The following PPP3CC variants were observed in gnomAD, a reference collection of about 807,000 sequenced individuals.
PPP3CC encodes the protein serine/threonine-protein phosphatase 2B catalytic subunit gamma isoform.
Under a neutral mutation model 60.3 loss-of-function variants are expected in PPP3CC, and 35 were observed. The observed-to-expected ratio is 0.58, with a 90% CI of 0.44 to 0.77. The LOEUF is 0.77. Ranked by LOEUF, PPP3CC falls within the 30% of genes least tolerant of loss-of-function variation. The pLI is 0.00. For synonymous variants in PPP3CC, 206 were observed against 224.3 expected (o/e 0.92, Z 0.73); for missense variants, 570 against 628.9 (o/e 0.91, Z 1.00).
intron 8 of PPP3CC, 79 bp from the exon 9 acceptor site, chr8:22,527,313 G>A: frequency 6.8e-7 from 1 of 1,469,214 alleles, no homozygotes; most frequent in Non-Finnish European, 9.3e-7. Context: ...CTGTGTAGCA[G>A]GTACACAGCT....
intron 1 of PPP3CC, among the ~76,000 whole-genome samples, chr8:22,474,049 T>G (rs574990054): frequency 6.6e-6 from 1 of 151,936 alleles, no homozygotes; most frequent in African/African-American, 2.4e-5. Flanking sequence ...CACTTGTCAC[T>G]ACACCTGGCT....
intron 3 of PPP3CC, among the ~76,000 whole-genome samples, chr8:22,482,908 T>A (rs1235713201): frequency 1.3e-5 from 2 of 151,982 alleles, no homozygotes; most frequent in Non-Finnish European, 2.9e-5. Context: ...AACAGTCGAG[T>A]TAGAATAGGA....
intron 10 of PPP3CC, among the ~76,000 whole-genome samples, chr8:22,530,126 A>T (rs184610066): frequency 2.0e-5 from 3 of 152,332 alleles, no homozygotes; most frequent in Admixed American, 2.0e-4. Flanking sequence ...CAGGTTCCGC[A>T]CTGAAGATCA....
chr8:22,476,414 T>G (rs537801464), intron 3 of PPP3CC, among the ~76,000 whole-genome samples: 2 of 152,216 alleles, frequency 1.3e-5, no homozygotes, highest in Non-Finnish European at 2.9e-5. Context: ...TCTTGCTGTC[T>G]ATAGTCCTGC....
intron 1 of PPP3CC, among the ~76,000 whole-genome samples, chr8:22,454,817 C>T (rs1030994250): frequency 1.3e-5 from 2 of 151,864 alleles, no homozygotes; most frequent in East Asian, 3.9e-4. Flanking sequence ...GCCTGTAATC[C>T]CAGCACTTTG....
chr8:22,446,136 A>G (rs1330659171), intron 1 of PPP3CC, among the ~76,000 whole-genome samples: 1 of 152,152 alleles, frequency 6.6e-6, no homozygotes. Flanking sequence ...TGGAGTGTAT[A>G]TGGGAAAATG....
At chr8:22,528,901 A>G (rs536994446) in intron 10 of PPP3CC, among the ~76,000 whole-genome samples, 3 of 152,216 alleles carry the variant, frequency 2.0e-5, no homozygotes, top group East Asian at 3.9e-4. Flanking sequence ...GTAGTTGTCC[A>G]TGTTGATCAG....
chr8:22,526,024 C>T (rs933886761), intron 8 of PPP3CC, among the ~76,000 whole-genome samples: 12 of 151,684 alleles, frequency 7.9e-5, no homozygotes, highest in Non-Finnish European at 2.9e-5. Context: ...CACGTCGCCA[C>T]GCCTGGCTAA....
At chr8:22,530,829 C>CAAAAAAAAAAAAAAAAAAA in intron 10 of PPP3CC, among the ~76,000 whole-genome samples, 1 of 58,048 alleles carries the variant, frequency 1.7e-5, no homozygotes, top group African/African-American at 5.2e-5. Context: ...AGACTCATCT[C>CAAAAAAAAAAAAAAAAAAA]AAAAAAAAAA....
At chr8:22,536,801 G>A (rs1365126795) in intron 12 of PPP3CC, among the ~76,000 whole-genome samples, 1 of 152,148 alleles carries the variant, frequency 6.6e-6, no homozygotes. Flanking sequence ...AACTTAACTT[G>A]GAGAGCTTTC....
chr8:22,495,842 A>G (rs1838562238), intron 3 of PPP3CC, among the ~76,000 whole-genome samples: 1 of 152,120 alleles, frequency 6.6e-6, no homozygotes, highest in African/African-American at 2.4e-5. Context: ...TGCAGGCGTG[A>G]GCCACCATGC....
chr8:22,452,881 A>G (rs920735444), intron 1 of PPP3CC, among the ~76,000 whole-genome samples: 2 of 152,226 alleles, frequency 1.3e-5, no homozygotes, highest in African/African-American at 4.8e-5. Context: ...ATTGCTTTGC[A>G]AATCGCTTTA....
At chr8:22,461,155 C>G (rs1186675314) in intron 1 of PPP3CC, among the ~76,000 whole-genome samples, 1 of 152,128 alleles carries the variant, frequency 6.6e-6, no homozygotes, top group Non-Finnish European at 1.5e-5. Flanking sequence ...AAAATCTTTA[C>G]TTTATTTACA....
At chr8:22,455,428 G>T (rs1016751496) in intron 1 of PPP3CC, among the ~76,000 whole-genome samples, 4 of 152,182 alleles carry the variant, frequency 2.6e-5, no homozygotes, top group African/African-American at 9.7e-5. Flanking sequence ...TAATCTGACT[G>T]TGACTAGTGG....
At chr8:22,452,803 G>T (rs1837074272) in intron 1 of PPP3CC, among the ~76,000 whole-genome samples, 1 of 140,736 alleles carries the variant, frequency 7.1e-6, no homozygotes, top group Admixed American at 7.4e-5. Flanking sequence ...AGGTGCTGCT[G>T]CCGCCATCGC....
At chr8:22,471,943 G>A (rs924661889) in intron 1 of PPP3CC, among the ~76,000 whole-genome samples, 1 of 151,792 alleles carries the variant, frequency 6.6e-6, no homozygotes, top group Non-Finnish European at 1.5e-5. Context: ...TCTGGGGAGC[G>A]TGGCAAAACC....
At chr8:22,509,027 G>A (rs2117085162) in intron 4 of PPP3CC, among the ~76,000 whole-genome samples, 1 of 152,290 alleles carries the variant, frequency 6.6e-6, no homozygotes. Flanking sequence ...AAACCTCAAA[G>A]AAACCCACAG....
intron 1 of PPP3CC, among the ~76,000 whole-genome samples, chr8:22,453,259 T>C (rs1013537661): frequency 1.3e-5 from 2 of 152,238 alleles, no homozygotes; most frequent in African/African-American, 4.8e-5. Context: ...ATCTTGGATC[T>C]TGGCGAGATT....
intron 12 of PPP3CC, 151 bp from the exon 13 acceptor site, chr8:22,539,318 T>G (rs1437905744): frequency 2.9e-5 from 18 of 623,794 alleles, no homozygotes; most frequent in Non-Finnish European, 4.9e-5. Context: ...GCAATAATCT[T>G]CTCGCTTCTC....
Sources: allele counts gnomAD v4.1 joint callset (sites outside exome capture counted in the v4.1 genomes callset), GRCh38; gene constraint gnomAD v4.1.1; transcripts MANE v1.5; gene names NCBI Gene and HGNC (gene_info 2026-07-23, HGNC 2026-07-21).